WDR64: variants seen among roughly 807,000 people sequenced by gnomAD.
The protein encoded by WDR64 is WD repeat domain 64.
A neutral mutation model predicts 139.3 loss-of-function variants in WDR64; 112 were observed. The observed-to-expected ratio is 0.80, with a 90% CI of 0.69 to 0.94. The LOEUF is 0.94. Among genes scored for constraint, WDR64 ranks in the 40% least tolerant of loss-of-function variants. WDR64 has a pLI of 0.00. For missense variants in WDR64, 1,206 were observed against 1,293.1 expected, an observed-to-expected ratio of 0.93 and a Z score of 1.03; for synonymous variants, 444 against 437.7, an observed-to-expected ratio of 1.01 and a Z score of -0.18.
chr1:241,711,321 A>G (rs60376390), intron 8 of WDR64, among the ~76,000 whole-genome samples: 2 of 152,264 alleles, frequency 1.3e-5, no homozygotes, highest in African/African-American at 4.8e-5. Context: ...AGTTCAACCA[A>G]GATACTGCAG....
chr1:241,675,119 CCCTCCTTCCCTCCTTCCCTCCCTT>C (rs1414125718), intron 4 of WDR64, among the ~76,000 whole-genome samples: 7 of 57,422 alleles, frequency 1.2e-4, no homozygotes, highest in Non-Finnish European at 2.1e-4. Context: ...CTTCCTCCCT[CCCTCCTTCCCTCCTTCCCTCCCTT>C]CTTCCTTCCT....
intron 9 of WDR64, among the ~76,000 whole-genome samples, chr1:241,718,639 C>A (rs534797940): frequency 6.6e-6 from 1 of 152,294 alleles, no homozygotes; most frequent in Admixed American, 6.5e-5. Flanking sequence ...ACAACCCCTC[C>A]AATATCTTGT....
intron 2 of WDR64, among the ~76,000 whole-genome samples, chr1:241,661,928 G>A (rs1373765730): frequency 6.6e-6 from 1 of 152,156 alleles, no homozygotes; most frequent in Non-Finnish European, 1.5e-5. Context: ...GCTACAATAG[G>A]AGAATTACAT....
chr1:241,741,423 T>C lies in WDR64; in HGVS notation c.1322-93T>C, dbSNP rs76034495. On this transcript the variant is annotated intron_variant, in intron 11 of 27. Transcript: ENST00000437684. ...GATTGATATTGCTAATCTCACTGTTTGGCTGTTTCCAAACCCAACTGCTTG... is the reference window on the plus strand; with the variant it reads ...GATTGATATTGCTAATCTCACTGTTCGGCTGTTTCCAAACCCAACTGCTTG... 4.7e-6 allele frequency: 5 copies of C among 1,064,000 alleles called. No homozygotes were observed. The Middle Eastern group carries it at 9.0e-4, about 192-fold the overall frequency. The allele number at this position is 1,064,000 out of a possible 1,614,324, so 65.9% of individuals were successfully genotyped here. A position where few individuals can be genotyped will look rare whatever the true frequency, so the allele number is the denominator to read the frequency against.
intron 8 of WDR64, 85 bp downstream of exon 8, chr1:241,687,680 CA>C: frequency 2.2e-6 from 3 of 1,354,788 alleles, no homozygotes; most frequent in Non-Finnish European, 3.0e-6. Flanking sequence ...TTGAAACTTT[CA>C]AACTGGCTTT....
intron 27 of WDR64, 87 bp from the exon 28 acceptor site, chr1:241,801,045 T>A: frequency 1.0e-6 from 1 of 999,952 alleles, no homozygotes; most frequent in Non-Finnish European, 1.5e-6. Context: ...AAAATCTCTA[T>A]GTAAATTAGC....
At chr1:241,715,771 G>A (rs978152394) in intron 9 of WDR64, among the ~76,000 whole-genome samples, 1 of 152,084 alleles carries the variant, frequency 6.6e-6, no homozygotes, top group Admixed American at 6.5e-5. Flanking sequence ...GTTAAGAACT[G>A]ACCAGTTTTT....
intron 10 of WDR64, among the ~76,000 whole-genome samples, chr1:241,726,906 G>C (rs1026257668): frequency 6.8e-6 from 1 of 147,378 alleles, no homozygotes; most frequent in Non-Finnish European, 1.5e-5. Context: ...TTTTTTTTGA[G>C]ACGAAGTTTC....
intron 17 of WDR64, among the ~76,000 whole-genome samples, chr1:241,770,224 G>C (rs1658376192): frequency 6.6e-6 from 1 of 152,144 alleles, no homozygotes; most frequent in South Asian, 2.1e-4. Flanking sequence ...TTTCAGTGGA[G>C]TGCCACAGAC....
intron 4 of WDR64, among the ~76,000 whole-genome samples, chr1:241,675,019 T>TC (rs1206468748): frequency 2.7e-4 from 10 of 36,650 alleles, no homozygotes; most frequent in East Asian, 5.2e-4. Flanking sequence ...CTTCCTTTCT[T>TC]CTTCCTTCCC....
At chr1:241,773,061 G>A in intron 20 of WDR64, 130 bp downstream of exon 20, 1 of 1,151,618 alleles carries the variant, frequency 8.7e-7, no homozygotes, top group Non-Finnish European at 1.2e-6. Context: ...CCAAATTGCT[G>A]ATCTTGCAGC....
intron 9 of WDR64, among the ~76,000 whole-genome samples, chr1:241,713,735 C>A (rs759706720): frequency 1.2e-4 from 18 of 152,054 alleles, no homozygotes; most frequent in Admixed American, 2.0e-4. Flanking sequence ...AGTTAGGAGA[C>A]TGTTAGAGAA....
intron 27 of WDR64, among the ~76,000 whole-genome samples, chr1:241,798,940 G>T (rs566571324): frequency 6.6e-6 from 1 of 152,170 alleles, no homozygotes; most frequent in African/African-American, 2.4e-5. Context: ...TTAAATGTAG[G>T]AAGAGAAGGG....
intron 6 of WDR64, among the ~76,000 whole-genome samples, chr1:241,679,814 T>C (rs567233022): frequency 3.9e-5 from 6 of 152,130 alleles, no homozygotes; most frequent in African/African-American, 1.4e-4. Flanking sequence ...GGCGGTTGGG[T>C]TGTTTTTGAG....
At chr1:241,769,370 A>AT (rs367783828) in intron 16 of WDR64, 34 bp from the exon 17 acceptor site, 10 of 1,524,984 alleles carry the variant, frequency 6.6e-6, no homozygotes, top group African/African-American at 5.5e-5. Context: ...TAATTTGTGA[A>AT]TTTTTTCTCA....
At chr1:241,704,549 GAAGTTTTATT>G (rs888796114) in intron 8 of WDR64, among the ~76,000 whole-genome samples, 3 of 152,112 alleles carry the variant, frequency 2.0e-5, no homozygotes, top group Non-Finnish European at 4.4e-5. Flanking sequence ...CTACTTGAAA[GAAGTTTTATT>G]TAAAGGCACA....
At chr1:241,776,471 T>C (rs1050684354) in intron 21 of WDR64, among the ~76,000 whole-genome samples, 3 of 152,220 alleles carry the variant, frequency 2.0e-5, no homozygotes, top group Non-Finnish European at 4.4e-5. Context: ...TCTATATTTG[T>C]ATATAGCATT....
At chr1:241,745,023 C>T (rs576046379) in intron 13 of WDR64, among the ~76,000 whole-genome samples, 29 of 152,326 alleles carry the variant, frequency 1.9e-4, no homozygotes, top group African/African-American at 7.0e-4. Flanking sequence ...TGAGAGGATG[C>T]CAGGCCCAGG....
intron 8 of WDR64, among the ~76,000 whole-genome samples, chr1:241,704,904 A>C (rs1667872804): frequency 6.6e-6 from 1 of 152,324 alleles, no homozygotes; most frequent in East Asian, 1.9e-4. Context: ...CCTTGCCAGC[A>C]AATGTGAATA....
Sources: gnomAD v4.1 joint callset for allele counts (sites outside exome capture counted in the v4.1 genomes callset) on GRCh38, gnomAD v4.1.1 for gene constraint, MANE v1.5 for transcripts, NCBI Gene and HGNC (gene_info 2026-07-23, HGNC 2026-07-21) for gene names.